RBFOX3: variants seen among roughly 807,000 people sequenced by gnomAD.
RBFOX3 encodes RNA binding fox-1 homolog 3.
Under a neutral mutation model 48.7 loss-of-function variants are expected in RBFOX3, and 17 were observed. The ratio of observed to expected loss-of-function variants is 0.35; its 90% CI spans 0.24 to 0.52. The LOEUF is 0.52. RBFOX3 is among the 20% of genes least tolerant of loss of function. The pLI, the probability that RBFOX3 is intolerant of heterozygous loss-of-function variation, is 0.94. For missense variants in RBFOX3, 382 were observed against 497.5 expected, an observed-to-expected ratio of 0.77 and a Z score of 2.21; for synonymous variants, 212 against 209.5, an observed-to-expected ratio of 1.01 and a Z score of -0.10.
At chr17:79,171,792 A>G (rs1209326808) in intron 4 of RBFOX3, among the ~76,000 whole-genome samples, 1 of 151,608 alleles carries the variant, frequency 6.6e-6, no homozygotes, top group African/African-American at 2.4e-5. Flanking sequence ...AACCTCCCAA[A>G]GTGCTGGGAT....
intron 4 of RBFOX3, among the ~76,000 whole-genome samples, chr17:79,192,755 G>T (rs1226226179): frequency 6.6e-6 from 1 of 152,198 alleles, no homozygotes; most frequent in Non-Finnish European, 1.5e-5. Context: ...GCCCAAACAA[G>T]CACGGGTGTC....
chr17:79,280,987 CAG>C (rs1328879995), intron 3 of RBFOX3, among the ~76,000 whole-genome samples: 3 of 152,172 alleles, frequency 2.0e-5, no homozygotes, highest in African/African-American at 7.2e-5. Flanking sequence ...TGGGTGAGGA[CAG>C]GGGATACTGA....
At chr17:79,291,989 C>CA (rs2073357889) in intron 3 of RBFOX3, among the ~76,000 whole-genome samples, 1 of 152,160 alleles carries the variant, frequency 6.6e-6, no homozygotes, top group Admixed American at 6.5e-5. Context: ...AGCCAGCCTC[C>CA]ACCCCTACTT....
At chr17:79,294,403 C>T (rs1012071596) in intron 3 of RBFOX3, among the ~76,000 whole-genome samples, 15 of 152,204 alleles carry the variant, frequency 9.9e-5, no homozygotes, top group Non-Finnish European at 1.8e-4. Flanking sequence ...CTCCATCTTC[C>T]GGGCTCAAGT....
intron 4 of RBFOX3, among the ~76,000 whole-genome samples, chr17:79,154,422 C>T (rs77264943): frequency 1.6e-4 from 24 of 152,324 alleles, no homozygotes; most frequent in East Asian, 1.2e-3. Context: ...TCTGCTGCAC[C>T]GAGGTGCTGT....
At chr17:79,638,593 CA>C in the RBFOX3 span, among the ~76,000 whole-genome samples, 117 of 152,298 alleles carry the variant, frequency 7.7e-4, no homozygotes, top group African/African-American at 2.7e-3. Context: ...CCTCCAATCT[CA>C]TGTTGAAATC....
At chr17:79,573,122 CTTCT>C (rs2092735473) in intron 1 of RBFOX3, among the ~76,000 whole-genome samples, 1 of 152,250 alleles carries the variant, frequency 6.6e-6, no homozygotes, top group Admixed American at 6.5e-5. Flanking sequence ...GGCATTTCCT[CTTCT>C]TTCTGTCCCC....
intron 1 of RBFOX3, among the ~76,000 whole-genome samples, chr17:79,552,969 C>T (rs1248180866): frequency 2.6e-5 from 4 of 152,180 alleles, no homozygotes; most frequent in African/African-American, 7.2e-5. Context: ...ACTTTTAGCC[C>T]CTCCTTTCCA....
At chr17:79,279,269 G>T (rs2069674158) in intron 3 of RBFOX3, among the ~76,000 whole-genome samples, 2 of 152,162 alleles carry the variant, frequency 1.3e-5, no homozygotes, top group South Asian at 4.1e-4. Context: ...TGGACATTTT[G>T]GGGACATGGG....
chr17:79,546,263 G>A (rs1180609374), intron 1 of RBFOX3, among the ~76,000 whole-genome samples: 4 of 152,134 alleles, frequency 2.6e-5, no homozygotes. Flanking sequence ...CACCAACACA[G>A]AGGATCCAGC....
intron 1 of RBFOX3, among the ~76,000 whole-genome samples, chr17:79,526,242 C>A (rs895932413): frequency 4.6e-5 from 7 of 152,194 alleles, no homozygotes; most frequent in Non-Finnish European, 1.0e-4. Flanking sequence ...TGGTCACCCA[C>A]AGAGGCTCAG....
Position 79,214,656 on chromosome 17 carries a change from G to A in RBFOX3, c.-34+21110C>T, listed in dbSNP as rs756390006. Among the ~76,000 whole-genome samples, 11 of 151,928 alleles carry A rather than the reference G, an allele frequency of 7.2e-5. No homozygotes were observed. The highest frequency in any genetic ancestry group is 1.6e-4 in the Non-Finnish European group (11 of 67,956). ...AGGCTCCCAGGCAGGGCTGAAGCTG[G>A]GTCTGTTCCCCAGGTTCCTGGGAGG... On this transcript the variant is annotated intron_variant, in intron 4 of 14. Coordinates refer to ENST00000693108, the MANE Select transcript of RBFOX3 (RefSeq NM_001350451.2). This position sits in a 1 kb window ranked among gnomAD's most constrained non-coding sequence, Gnocchi z 4.7.
chr17:79,145,195 A>G (rs56069218), intron 4 of RBFOX3, among the ~76,000 whole-genome samples: 34,166 of 152,122 alleles, frequency 0.22, 4,024 homozygotes, highest in Middle Eastern at 0.29. Context: ...CATCGAGCTC[A>G]GCCAGGACCC....
At chr17:79,594,042 A>G (rs1374675010) in intron 1 of RBFOX3, among the ~76,000 whole-genome samples, 1 of 152,158 alleles carries the variant, frequency 6.6e-6, no homozygotes, top group African/African-American at 2.4e-5. Context: ...GCAATTGAGG[A>G]AAATGAACCT....
At chr17:79,570,307 T>G (rs1270729833) in intron 1 of RBFOX3, among the ~76,000 whole-genome samples, 1 of 152,044 alleles carries the variant, frequency 6.6e-6, no homozygotes, top group Non-Finnish European at 1.5e-5. Context: ...AATGGACAGA[T>G]GGATTATGGA....
intron 1 of RBFOX3, among the ~76,000 whole-genome samples, chr17:79,485,380 G>C (rs977464693): frequency 7.2e-5 from 11 of 152,252 alleles, no homozygotes; most frequent in South Asian, 2.1e-4. Context: ...TTGAAGGAGA[G>C]GGGGAGGAAT....
intron 2 of RBFOX3, among the ~76,000 whole-genome samples, chr17:79,434,211 T>C (rs891210329): frequency 5.9e-5 from 9 of 152,240 alleles, no homozygotes; most frequent in African/African-American, 2.2e-4. Flanking sequence ...CACATGCATC[T>C]GGCTACTGCA....
chr17:79,628,303 C>T, the RBFOX3 span, among the ~76,000 whole-genome samples: 5 of 152,268 alleles, frequency 3.3e-5, no homozygotes, highest in South Asian at 2.1e-4. Flanking sequence ...GGCCCCAATG[C>T]GCTTCCTGCT....
rs2061493895 is a variant in RBFOX3, at chr17:79,392,604, GGT to G, written c.-174-84782_-174-84781del. Among the ~76,000 whole-genome samples the G allele has an allele frequency of 6.6e-6, 1 of 152,148 alleles. No individual in the cohort carries two copies. The highest frequency in any genetic ancestry group is 6.5e-5 in the Admixed American group (1 of 15,270). On this transcript the variant is annotated intron_variant, in intron 2 of 14. Coordinates refer to ENST00000693108, the MANE Select transcript of RBFOX3 (RefSeq NM_001350451.2). The surrounding 1 kb of genome is among the most constrained non-coding windows in gnomAD (Gnocchi z 5.0). ...TTGCCCAACAAAATGGGAGCAGAGG[GGT>G]GTCACTTCCAGCCGAAGTTTGCAGA...
Sources: allele counts gnomAD v4.1 joint callset (sites outside exome capture counted in the v4.1 genomes callset), GRCh38; gene constraint gnomAD v4.1.1; non-coding constraint Gnocchi (gnomAD v3.1); transcripts MANE v1.5; gene names NCBI Gene and HGNC (gene_info 2026-07-23, HGNC 2026-07-21).